LY6S: variants seen among roughly 807,000 people sequenced by gnomAD.
LY6S encodes the protein lymphocyte antigen 6S.
the LY6S span, among the ~76,000 whole-genome samples, chr8:143,052,235 C>G: frequency 6.6e-6 from 1 of 151,996 alleles, no homozygotes; most frequent in Non-Finnish European, 1.5e-5. Context: ...GAGCCGAGAT[C>G]GCACCACTGC....
chr8:143,042,887 T>C, the LY6S span: 2 of 669,320 alleles, frequency 3.0e-6, no homozygotes, highest in South Asian at 1.5e-5. Context: ...AGTGGTGTTG[T>C]TGGGGGGCAT....
chr8:143,063,054 A>G, the LY6S span, among the ~76,000 whole-genome samples: 1 of 152,220 alleles, frequency 6.6e-6, no homozygotes, highest in South Asian at 2.1e-4. Context: ...ACCAGGCTGG[A>G]AAATCTGGAC....
chr8:143,068,019 C>A, the LY6S span, among the ~76,000 whole-genome samples: 1 of 152,210 alleles, frequency 6.6e-6, no homozygotes, highest in African/African-American at 2.4e-5. Flanking sequence ...CACTACTCCT[C>A]CTCAGCACAG....
the LY6S span, among the ~76,000 whole-genome samples, chr8:143,069,982 A>G: frequency 6.6e-6 from 1 of 152,184 alleles, no homozygotes; most frequent in Non-Finnish European, 1.5e-5. Context: ...TCCTGCCGCC[A>G]TAACGAACAC....
At chr8:143,044,137 A>G in the LY6S span, 15 of 456,136 alleles carry the variant, frequency 3.3e-5, no homozygotes, top group Admixed American at 3.5e-4. Flanking sequence ...CCACCATTCC[A>G]GAGTCATTCC....
chr8:143,073,807 C>T, the LY6S span, among the ~76,000 whole-genome samples: 6 of 137,094 alleles, frequency 4.4e-5, no homozygotes, highest in African/African-American at 1.7e-4. Flanking sequence ...CCGTCGTCCC[C>T]GGGGTCCCTG....
the LY6S span, among the ~76,000 whole-genome samples, chr8:143,073,825 A>G: frequency 8.8e-5 from 13 of 147,024 alleles, no homozygotes; most frequent in African/African-American, 3.2e-4. Flanking sequence ...CTGTTTGAGG[A>G]GACAGCCGTC....
At chr8:143,043,315 G>A in the LY6S span, 2 of 1,151,928 alleles carry the variant, frequency 1.7e-6, no homozygotes, top group Non-Finnish European at 2.3e-6. Flanking sequence ...AGGAGGGAGA[G>A]CTTGTTCTCC....
the LY6S span, among the ~76,000 whole-genome samples, chr8:143,044,441 G>A: frequency 6.6e-6 from 1 of 151,982 alleles, no homozygotes; most frequent in Non-Finnish European, 1.5e-5. Context: ...TGTCCCTGCA[G>A]ACCCACAACC....
the LY6S span, among the ~76,000 whole-genome samples, chr8:143,073,879 G>A: frequency 6.5e-5 from 9 of 138,184 alleles, no homozygotes; most frequent in East Asian, 2.3e-4. Context: ...CGTCCCCGGG[G>A]TTCCTGTTTG....
the LY6S span, among the ~76,000 whole-genome samples, chr8:143,061,283 A>G: frequency 2.0e-5 from 3 of 152,112 alleles, no homozygotes; most frequent in Non-Finnish European, 4.4e-5. Flanking sequence ...AAATCACTGA[A>G]TGAAAAGAAT....
the LY6S span, among the ~76,000 whole-genome samples, chr8:143,060,309 G>A: frequency 2.0e-4 from 31 of 152,206 alleles, no homozygotes; most frequent in Non-Finnish European, 2.1e-4. Context: ...AGTCAAGCCC[G>A]CCCGCAGTTA....
chr8:143,066,574 CT>C, the LY6S span: 1 of 304,644 alleles, frequency 3.3e-6, no homozygotes, highest in South Asian at 3.6e-5. Context: ...ATTGTTCCTT[CT>C]TTTCTTTGTC....
the LY6S span, among the ~76,000 whole-genome samples, chr8:143,050,476 C>T: frequency 2.4e-4 from 37 of 151,960 alleles, no homozygotes; most frequent in African/African-American, 5.8e-4. Flanking sequence ...CCAGCTTGCC[C>T]GGCCCCAAAA....
the LY6S span, among the ~76,000 whole-genome samples, chr8:143,050,508 C>T: frequency 3.9e-5 from 6 of 152,130 alleles, no homozygotes; most frequent in East Asian, 7.7e-4. Context: ...GACACACCTT[C>T]GAGGTCCTCA....
chr8:143,056,785 C>A, the LY6S span, among the ~76,000 whole-genome samples: 4 of 152,096 alleles, frequency 2.6e-5, no homozygotes, highest in Non-Finnish European at 5.9e-5. Flanking sequence ...ACAAAATGCT[C>A]GTTTAATTTT....
the LY6S span, among the ~76,000 whole-genome samples, chr8:143,051,147 GAA>G: frequency 2.0e-5 from 3 of 152,220 alleles, no homozygotes; most frequent in Non-Finnish European, 4.4e-5. Context: ...GTGACATTGG[GAA>G]ATGCAAGGGC....
chr8:143,054,702 G>A, the LY6S span, among the ~76,000 whole-genome samples: 51 of 152,156 alleles, frequency 3.4e-4, no homozygotes, highest in African/African-American at 1.0e-3. Flanking sequence ...TGGCTACTAC[G>A]TCTCCCCCTT....
At chr8:143,073,688 G>A in the LY6S span, among the ~76,000 whole-genome samples, 7 of 131,274 alleles carry the variant, frequency 5.3e-5, 2 homozygotes, top group Admixed American at 3.8e-4. Context: ...CCTGTTCGAG[G>A]AGACAGCCGT....
Sources: gnomAD v4.1 joint callset for allele counts (sites outside exome capture counted in the v4.1 genomes callset) on GRCh38, gnomAD v4.1.1 for gene constraint, MANE v1.5 for transcripts, NCBI Gene and HGNC (gene_info 2026-07-23, HGNC 2026-07-21) for gene names.